Variants in NAV2 observed in about 807,000 individuals in gnomAD.
NAV2 encodes neuron navigator 2, also known as helicase, APC down-regulated 1.
In NAV2, 54 loss-of-function variants were observed where a neutral mutation model predicts 223.2. That is an observed-to-expected ratio of 0.24 (90% CI 0.19 to 0.30). NAV2 has a LOEUF of 0.30. Among genes scored for constraint, NAV2 ranks in the 10% least tolerant of loss-of-function variants. NAV2 has a pLI of 1.00. For missense variants in NAV2, 2,806 were observed against 3,147.5 expected, an observed-to-expected ratio of 0.89 and a Z score of 2.60; for synonymous variants, 1,279 against 1,239.3, an observed-to-expected ratio of 1.03 and a Z score of -0.67.
intron 1 of NAV2, among the ~76,000 whole-genome samples, chr11:19,747,379 G>A (rs1294969837): frequency 6.6e-6 from 1 of 152,058 alleles, no homozygotes; most frequent in African/African-American, 2.4e-5. Flanking sequence ...ACACTATTAG[G>A]AGGAGTAGGA....
rs2153711957 is a variant in NAV2, at chr11:20,107,704, C to G, written c.6882C>G (p.Gly2294=). The change falls in exon 36 of 38, where the codon GGC becomes GGG. Residue 2294 remains glycine (G), a synonymous_variant. Coordinates refer to ENST00000349880, the MANE Select transcript of NAV2 (RefSeq NM_145117.5). ...LFLSCPIDVD[G]SRVWFTDLWN... Reference sequence around the variant, plus strand: ...TGTCATGCCCCATCGATGTGGACGGCTCGAGAGTGTGGTTCACCGACTTGT... The same window carrying G: ...TGTCATGCCCCATCGATGTGGACGGGTCGAGAGTGTGGTTCACCGACTTGT... The G allele has an allele frequency of 6.2e-7, 1 of 1,614,164 alleles. No individual in the cohort carries two copies. Among genetic ancestry groups the G allele is most frequent in the Non-Finnish European group, 8.5e-7 (1 of 1,180,024 alleles).
chr11:19,374,081 C>G (rs1243323647), intron 1 of NAV2, among the ~76,000 whole-genome samples: 1 of 152,172 alleles, frequency 6.6e-6, no homozygotes, highest in Non-Finnish European at 1.5e-5. Context: ...CATTTTATAG[C>G]AATTATAATA....
At chr11:20,058,244 A>T (rs528501751) in intron 19 of NAV2, among the ~76,000 whole-genome samples, 1 of 152,230 alleles carries the variant, frequency 6.6e-6, no homozygotes, top group East Asian at 1.9e-4. Flanking sequence ...TAGGTGTATT[A>T]TACGCCATAA....
At chr11:20,114,854 T>A in intron 37 of NAV2, 59 bp downstream of exon 37, 1 of 1,497,788 alleles carries the variant, frequency 6.7e-7, no homozygotes, top group South Asian at 1.2e-5. Context: ...GTGTGTTGGG[T>A]ATGATGCAGA....
At chr11:19,445,753 T>C (rs2133742218) in intron 1 of NAV2, among the ~76,000 whole-genome samples, 1 of 18,416 alleles carries the variant, frequency 5.4e-5, no homozygotes. Context: ...GGCCTCTGAT[T>C]TTTTTTTTTT....
intron 1 of NAV2, among the ~76,000 whole-genome samples, chr11:19,705,225 T>C (rs1284450609): frequency 1.3e-5 from 2 of 152,124 alleles, no homozygotes; most frequent in Non-Finnish European, 2.9e-5. Flanking sequence ...AATCTGAACA[T>C]ACTCAGCTCA....
At chr11:19,859,675 G>C (rs1183205457) in intron 3 of NAV2, among the ~76,000 whole-genome samples, 56 of 152,032 alleles carry the variant, frequency 3.7e-4, no homozygotes, top group Non-Finnish European at 7.4e-4. Flanking sequence ...CAGACGGGGT[G>C]GTGGCCGGGC....
intron 12 of NAV2, among the ~76,000 whole-genome samples, chr11:20,036,885 T>C (rs1310558134): frequency 2.0e-5 from 3 of 152,190 alleles, no homozygotes. Context: ...ACTGGAGTTT[T>C]CCATTCCTAC....
intron 1 of NAV2, among the ~76,000 whole-genome samples, chr11:19,457,427 G>A (rs1337725678): frequency 6.6e-6 from 1 of 152,192 alleles, no homozygotes; most frequent in Admixed American, 6.5e-5. Context: ...TCTGAGGCAG[G>A]ATCTGACCTA....
At chr11:19,871,617 T>C (rs991923152) in intron 4 of NAV2, among the ~76,000 whole-genome samples, 5 of 152,162 alleles carry the variant, frequency 3.3e-5, no homozygotes, top group African/African-American at 1.2e-4. Context: ...CTCAGTCTTA[T>C]GATCCCTCCG....
chr11:19,659,367 G>A (rs942551985), intron 1 of NAV2, among the ~76,000 whole-genome samples: 2 of 152,168 alleles, frequency 1.3e-5, no homozygotes, highest in Non-Finnish European at 2.9e-5. Context: ...AGATGGTGTA[G>A]GGCCTTGTGT....
chr11:19,751,557 G>A (rs2053819863), intron 1 of NAV2, among the ~76,000 whole-genome samples: 1 of 152,120 alleles, frequency 6.6e-6, no homozygotes, highest in Non-Finnish European at 1.5e-5. Context: ...GGCCGTTATT[G>A]TTGTTCCTGC....
intron 6 of NAV2, among the ~76,000 whole-genome samples, chr11:19,921,976 T>C (rs2044316698): frequency 6.6e-6 from 1 of 152,160 alleles, no homozygotes; most frequent in African/African-American, 2.4e-5. Flanking sequence ...ATGGAAAATT[T>C]TTGTCCAATA....
chr11:19,740,993 A>G (rs2052748977), intron 1 of NAV2, among the ~76,000 whole-genome samples: 1 of 152,222 alleles, frequency 6.6e-6, no homozygotes, highest in African/African-American at 2.4e-5. Flanking sequence ...ACTTATCAGT[A>G]GAAGGGATGT....
intron 1 of NAV2, among the ~76,000 whole-genome samples, chr11:19,637,940 G>A (rs1052722216): frequency 1.5e-4 from 23 of 152,162 alleles, no homozygotes; most frequent in Admixed American, 1.3e-4. Context: ...CAGTGAGTTG[G>A]CTTTTATTTC....
intron 6 of NAV2, among the ~76,000 whole-genome samples, chr11:19,928,998 T>C (rs1292398336): frequency 6.6e-6 from 1 of 152,148 alleles, no homozygotes; most frequent in Non-Finnish European, 1.5e-5. Context: ...CTCACACCTG[T>C]AATCCCAGCA....
At chr11:19,512,675 T>C (rs560071414) in intron 1 of NAV2, among the ~76,000 whole-genome samples, 2 of 152,338 alleles carry the variant, frequency 1.3e-5, no homozygotes, top group East Asian at 3.9e-4. Context: ...ACTTTCCTGT[T>C]TCACCCTTTG....
chr11:19,563,367 C>G (rs968351019), intron 1 of NAV2, among the ~76,000 whole-genome samples: 3 of 152,174 alleles, frequency 2.0e-5, no homozygotes, highest in Non-Finnish European at 2.9e-5. Context: ...TACACTTAGG[C>G]TAGATCTTTG....
chr11:19,640,472 A>G (rs1162183484), intron 1 of NAV2, among the ~76,000 whole-genome samples: 1 of 151,878 alleles, frequency 6.6e-6, no homozygotes, highest in East Asian at 1.9e-4. Context: ...ATTATAATAT[A>G]TACTACTATA....
Sources: allele counts gnomAD v4.1 joint callset (sites outside exome capture counted in the v4.1 genomes callset), GRCh38; gene constraint gnomAD v4.1.1; transcripts MANE v1.5; gene names NCBI Gene and HGNC (gene_info 2026-07-23, HGNC 2026-07-21).